ZNF804B: variants seen among roughly 807,000 people sequenced by gnomAD.
The protein encoded by ZNF804B is zinc finger 804B.
ZNF804B carries 80 observed loss-of-function variants against 101.4 expected under a neutral mutation model. That is an observed-to-expected ratio of 0.79 (90% CI 0.66 to 0.95). ZNF804B has a LOEUF of 0.95. Ranked by LOEUF, ZNF804B falls within the 40% of genes least tolerant of loss-of-function variation. ZNF804B has a pLI of 0.00. For missense variants in ZNF804B, 1,673 were observed against 1,561.9 expected, an observed-to-expected ratio of 1.07 and a Z score of -1.20; for synonymous variants, 622 against 558.8, an observed-to-expected ratio of 1.11 and a Z score of -1.59.
At chr7:89,302,958 T>C (rs901605841) in intron 2 of ZNF804B, among the ~76,000 whole-genome samples, 4 of 151,942 alleles carry the variant, frequency 2.6e-5, no homozygotes, top group African/African-American at 7.2e-5. Context: ...AAAAGTAAAT[T>C]TAAATTAATT....
intron 1 of ZNF804B, among the ~76,000 whole-genome samples, chr7:88,854,527 T>TTTCCTTTCCTTTCCTTTCCTTTCC (rs1791519535): frequency 7.5e-5 from 3 of 40,076 alleles, no homozygotes; most frequent in African/African-American, 2.1e-4. Flanking sequence ...CTTTCCTTCC[T>TTTCCTTTCCTTTCCTTTCCTTTCC]TTCCTTCCTT....
chr7:88,840,386 G>A (rs1354480068), intron 1 of ZNF804B, among the ~76,000 whole-genome samples: 1 of 152,060 alleles, frequency 6.6e-6, no homozygotes, highest in Admixed American at 6.6e-5. Flanking sequence ...TGTTTTAAAT[G>A]GAACTTCTTT....
At chr7:89,153,298 G>A (rs2116408165) in intron 1 of ZNF804B, among the ~76,000 whole-genome samples, 1 of 151,908 alleles carries the variant, frequency 6.6e-6, no homozygotes, top group East Asian at 1.9e-4. Flanking sequence ...ACCATAGCAA[G>A]ATGTTGATTC....
At chr7:88,808,470 A>G (rs192785976) in intron 1 of ZNF804B, among the ~76,000 whole-genome samples, 1 of 151,784 alleles carries the variant, frequency 6.6e-6, no homozygotes, top group Admixed American at 6.6e-5. Flanking sequence ...AGTAAGTATT[A>G]TATTATCATC....
intron 1 of ZNF804B, among the ~76,000 whole-genome samples, chr7:89,015,200 A>C (rs1004188800): frequency 2.0e-5 from 3 of 151,380 alleles, no homozygotes; most frequent in Non-Finnish European, 4.4e-5. Context: ...TGTTCCATTA[A>C]TCTTTGTTTC....
At chr7:89,026,928 A>C (rs555707821) in intron 1 of ZNF804B, among the ~76,000 whole-genome samples, 6 of 152,304 alleles carry the variant, frequency 3.9e-5, no homozygotes, top group African/African-American at 1.4e-4. Flanking sequence ...CTTTAGCATA[A>C]AGATATTCTA....
chr7:88,966,396 G>A (rs529870267), intron 1 of ZNF804B, among the ~76,000 whole-genome samples: 13 of 151,628 alleles, frequency 8.6e-5, no homozygotes, highest in South Asian at 8.3e-4. Context: ...TGAACCACAA[G>A]AGTAGCCTGG....
intron 1 of ZNF804B, among the ~76,000 whole-genome samples, chr7:88,872,756 G>A (rs1269551173): frequency 2.0e-5 from 3 of 150,200 alleles, no homozygotes; most frequent in South Asian, 4.3e-4. Flanking sequence ...TACTGAGAAT[G>A]ATGATTTCCA....
rs200072468 is a variant in ZNF804B at position 88,926,943 on chromosome 7, C to A, written c.108+166859C>A. On this transcript the variant is annotated intron_variant, in intron 1 of 3. Coordinates refer to ENST00000333190, the MANE Select transcript of ZNF804B (RefSeq NM_181646.5). ...TAGATGTCTGCCGGGTGGTGGGGAG[C>A]GGGGGGAAAGCTGTTCTGTAGTTTG... is the stretch of plus-strand genomic sequence containing the variant. Among the ~76,000 whole-genome samples the A allele has an allele frequency of 2.6e-3, 382 of 144,452 alleles. 8 individuals are homozygous for A. Among genetic ancestry groups the A allele is most frequent in the African/African-American group, 0.01 (377 of 37,422 alleles). 94.8% of individuals were successfully genotyped at this position (144,452 alleles called of 152,430 possible).
At chr7:88,934,958 A>G (rs1196161929) in intron 1 of ZNF804B, among the ~76,000 whole-genome samples, 3 of 151,946 alleles carry the variant, frequency 2.0e-5, no homozygotes, top group African/African-American at 4.8e-5. Context: ...TCATAATTGC[A>G]AAGACATGGA....
At chr7:88,824,498 C>T (rs1791027585) in intron 1 of ZNF804B, among the ~76,000 whole-genome samples, 1 of 152,120 alleles carries the variant, frequency 6.6e-6, no homozygotes, top group African/African-American at 2.4e-5. Flanking sequence ...GTGAGTTATC[C>T]AGTCTCAGGT....
At chr7:89,131,632 A>G (rs1040913543) in intron 1 of ZNF804B, among the ~76,000 whole-genome samples, 3 of 152,078 alleles carry the variant, frequency 2.0e-5, no homozygotes, top group African/African-American at 7.2e-5. Flanking sequence ...AAAATGTCAG[A>G]GGAAATTGCT....
intron 1 of ZNF804B, among the ~76,000 whole-genome samples, chr7:88,818,615 A>G (rs1417178642): frequency 6.6e-6 from 1 of 152,220 alleles, no homozygotes; most frequent in Non-Finnish European, 1.5e-5. Flanking sequence ...AAATTCCAAC[A>G]GGAGATTTGA....
intron 1 of ZNF804B, among the ~76,000 whole-genome samples, chr7:88,992,348 C>T (rs1188854669): frequency 6.6e-6 from 1 of 152,026 alleles, no homozygotes; most frequent in East Asian, 1.9e-4. Flanking sequence ...TTTAAATTTC[C>T]ATGCAGGTTT....
intron 1 of ZNF804B, among the ~76,000 whole-genome samples, chr7:89,164,230 C>T (rs2116424103): frequency 6.6e-6 from 1 of 152,120 alleles, no homozygotes; most frequent in Non-Finnish European, 1.5e-5. Context: ...CCTTTCTTGA[C>T]TATTACCATC....
chr7:88,996,830 A>G (rs1312964871), intron 1 of ZNF804B, among the ~76,000 whole-genome samples: 1 of 152,104 alleles, frequency 6.6e-6, no homozygotes, highest in Non-Finnish European at 1.5e-5. Context: ...AGTGAGGTAT[A>G]AAGTACAAAG....
chr7:89,300,899 G>T (rs73208901), intron 2 of ZNF804B, among the ~76,000 whole-genome samples: 1 of 151,632 alleles, frequency 6.6e-6, no homozygotes, highest in Non-Finnish European at 1.5e-5. Flanking sequence ...TGAGAGATCT[G>T]CTAGATCTCT....
At chr7:89,118,985 G>A (rs541602927) in intron 1 of ZNF804B, among the ~76,000 whole-genome samples, 75 of 152,214 alleles carry the variant, frequency 4.9e-4, no homozygotes, top group Admixed American at 3.8e-3. Flanking sequence ...GTCACCTCTA[G>A]GTCAAAGTCA....
chr7:89,222,856 C>T lies in ZNF804B; in HGVS notation c.249+4561C>T, dbSNP rs140322325. Among the ~76,000 whole-genome samples the T allele has an allele frequency of 3.6e-3, 547 of 151,956 alleles. 7 individuals are homozygous for T. The highest frequency in any genetic ancestry group is 0.012 in the African/African-American group (510 of 41,520). On this transcript the variant is annotated intron_variant, in intron 2 of 3. Coordinates refer to ENST00000333190, the MANE Select transcript of ZNF804B (RefSeq NM_181646.5). ...TGAGAATTTTTGTATACGCTTCCCA[C>T]TTTAAAAAACATTGGAATAATTAAA...
Sources: gnomAD v4.1 joint callset for allele counts (sites outside exome capture counted in the v4.1 genomes callset) on GRCh38, gnomAD v4.1.1 for gene constraint, MANE v1.5 for transcripts, NCBI Gene and HGNC (gene_info 2026-07-23, HGNC 2026-07-21) for gene names.